Variants in ARSG observed in about 807,000 individuals in gnomAD.
The protein encoded by ARSG is ASG.
Under a neutral mutation model 50.5 loss-of-function variants are expected in ARSG, and 37 were observed. The ratio of observed to expected loss-of-function variants is 0.73; its 90% CI spans 0.56 to 0.96. ARSG has a LOEUF of 0.96. Among genes scored for constraint, ARSG ranks in the 50% least tolerant of loss-of-function variants. The probability of loss-of-function intolerance (pLI) is 0.00; values close to 1 mark genes in which losing one functional copy is unlikely to be tolerated. For missense variants in ARSG, 629 were observed against 675.3 expected (o/e 0.93, Z 0.76); for synonymous variants, 225 against 254.6 (o/e 0.88, Z 1.11).
chr17:68,398,799 G>A (rs1475642944), intron 10 of ARSG, among the ~76,000 whole-genome samples: 7 of 152,186 alleles, frequency 4.6e-5, no homozygotes, highest in African/African-American at 1.7e-4. Context: ...TGTGATGTTC[G>A]AAACCACATC....
intron 11 of ARSG, among the ~76,000 whole-genome samples, chr17:68,409,530 T>C (rs1161999177): frequency 6.6e-6 from 1 of 152,038 alleles, no homozygotes; most frequent in Non-Finnish European, 1.5e-5. Flanking sequence ...TGTAGCCTTG[T>C]AGTATAGTTT....
chr17:68,352,119 GGAGAGAGAGAGA>G (rs149581343), intron 5 of ARSG, among the ~76,000 whole-genome samples: 1 of 73,004 alleles, frequency 1.4e-5, no homozygotes. Flanking sequence ...GAGAGACAGA[GGAGAGAGAGAGA>G]GAGAGACAGA....
chr17:68,437,079 C>G, the ARSG span, among the ~76,000 whole-genome samples: 3 of 150,252 alleles, frequency 2.0e-5, no homozygotes, highest in Non-Finnish European at 2.9e-5. Context: ...GACTCTGAAA[C>G]AGCATCTACT....
chr17:68,351,679 C>T lies in ARSG; in HGVS notation c.559C>T (p.Pro187Ser), dbSNP rs754440668. 3 of 1,607,580 alleles carry T rather than the reference C, an allele frequency of 1.9e-6. No homozygotes were observed. The highest frequency in any genetic ancestry group is 2.6e-6 in the Non-Finnish European group (3 of 1,174,146). ...TCCAGCGTGTCCACAGGGTGATGGA[C>T]CATCAAGGTAATGCTGTCTGACACA... is the stretch of plus-strand genomic sequence containing the variant. ...PCPACPQGDG[P>S]SRNLQRDCYT... The change falls in exon 5 of 12, where the codon CCA (proline) becomes TCA (serine). Residue 187 changes from proline (P) to serine (S), a missense_variant. Transcript: ENST00000621439.
At chr17:68,403,870 C>G (rs2081588824) in intron 11 of ARSG, among the ~76,000 whole-genome samples, 1 of 152,234 alleles carries the variant, frequency 6.6e-6, no homozygotes, top group East Asian at 1.9e-4. Flanking sequence ...CACCCCACCC[C>G]ACGACAGGCC....
chr17:68,343,489 G>T, intron 2 of ARSG, 115 bp from the exon 3 acceptor site: 1 of 1,064,390 alleles, frequency 9.4e-7, no homozygotes, highest in East Asian at 2.5e-5. Context: ...TTCCATGACT[G>T]GGTGATCTTT....
downstream of ARSG, among the ~76,000 whole-genome samples, chr17:68,425,621 A>G (rs904509998): frequency 1.3e-5 from 2 of 152,020 alleles, no homozygotes; most frequent in African/African-American, 2.4e-5. Context: ...GAGTGCAGCA[A>G]CTCAGCTCAG....
chr17:68,299,519 A>G (rs1555760694), intron 1 of ARSG, among the ~76,000 whole-genome samples: 1 of 152,044 alleles, frequency 6.6e-6, no homozygotes, highest in Non-Finnish European at 1.5e-5. Flanking sequence ...ATCGGATCTC[A>G]TCCTAGATCT....
At chr17:68,325,924 A>T (rs1463068127) in intron 2 of ARSG, among the ~76,000 whole-genome samples, 1 of 152,176 alleles carries the variant, frequency 6.6e-6, no homozygotes, top group African/African-American at 2.4e-5. Context: ...TTTGATTAGC[A>T]TGCAGTGGAG....
chr17:68,426,057 C>T (rs749620114), downstream of ARSG: 9 of 1,609,096 alleles, frequency 5.6e-6, no homozygotes, highest in African/African-American at 2.7e-5. Context: ...CGCCCAGTTA[C>T]GGGTTCCTAA....
chr17:68,299,991 T>A (rs1294851202), intron 1 of ARSG, among the ~76,000 whole-genome samples: 1 of 149,574 alleles, frequency 6.7e-6, no homozygotes, highest in African/African-American at 2.5e-5. Context: ...CAGGCTGGAG[T>A]GCAGTGACAT....
At chr17:68,404,100 G>A (rs1568584303) in intron 11 of ARSG, among the ~76,000 whole-genome samples, 1 of 152,092 alleles carries the variant, frequency 6.6e-6, no homozygotes, top group Non-Finnish European at 1.5e-5. Context: ...TCTTAATCCA[G>A]TCTATCATTG....
intron 5 of ARSG, among the ~76,000 whole-genome samples, chr17:68,355,361 G>A (rs1445562307): frequency 1.3e-5 from 2 of 152,148 alleles, no homozygotes; most frequent in African/African-American, 4.8e-5. Flanking sequence ...ACTTGAGCTT[G>A]TGTTGTTTTG....
chr17:68,343,562 C>T, intron 2 of ARSG, 42 bp from the exon 3 acceptor site: 1 of 1,520,952 alleles, frequency 6.6e-7, no homozygotes, highest in Non-Finnish European at 8.8e-7. Context: ...ACTCTGGCTT[C>T]CTGTGGTTGG....
chr17:68,346,977 T>G (rs1425090251), intron 3 of ARSG, 148 bp from the exon 4 acceptor site: 11 of 1,537,136 alleles, frequency 7.2e-6, no homozygotes, highest in Non-Finnish European at 9.6e-6. Flanking sequence ...GAGCAAAGCC[T>G]GGCTTGTACA....
chr17:68,353,916 G>T (rs147681935), intron 5 of ARSG, among the ~76,000 whole-genome samples: 2,173 of 151,750 alleles, frequency 0.014, 57 homozygotes, highest in African/African-American at 0.05. Flanking sequence ...TGGCCAAGCT[G>T]GTCTTGAACT....
At chr17:68,286,020 A>C (rs2075833782) in intron 1 of ARSG, among the ~76,000 whole-genome samples, 1 of 152,108 alleles carries the variant, frequency 6.6e-6, no homozygotes. Flanking sequence ...CGGCCTCCCA[A>C]AGTGCTGGGA....
chr17:68,376,819 C>G (rs2080173167), intron 8 of ARSG, among the ~76,000 whole-genome samples: 1 of 151,834 alleles, frequency 6.6e-6, no homozygotes, highest in South Asian at 2.1e-4. Flanking sequence ...CAGGAATATC[C>G]CCAAGTTCAA....
chr17:68,337,064 A>T (rs78393724), intron 2 of ARSG, among the ~76,000 whole-genome samples: 2,327 of 152,148 alleles, frequency 0.015, 18 homozygotes, highest in Non-Finnish European at 0.021. Context: ...ACCACCTGAC[A>T]TGGAGAATGA....
Sources: gnomAD v4.1 joint callset for allele counts (sites outside exome capture counted in the v4.1 genomes callset) on GRCh38, gnomAD v4.1.1 for gene constraint, MANE v1.5 for transcripts, NCBI Gene and HGNC (gene_info 2026-07-23, HGNC 2026-07-21) for gene names.